ELP1: variants seen among roughly 807,000 people sequenced by gnomAD.
ELP1 encodes elongator complex protein 1.
ELP1 carries 131 observed loss-of-function variants against 183.2 expected under a neutral mutation model. The ratio of observed to expected loss-of-function variants is 0.72; its 90% CI spans 0.62 to 0.83. The LOEUF (loss-of-function observed/expected upper bound fraction) is 0.83, where lower values mean the gene tolerates loss of function less well. Ranked by LOEUF, ELP1 falls within the 40% of genes least tolerant of loss-of-function variation. The pLI is 0.00. For synonymous variants in ELP1, 555 were observed against 569.0 expected (o/e 0.98, Z 0.35); for missense variants, 1,550 against 1,594.9 (o/e 0.97, Z 0.48).
At position 108,902,840 on chromosome 9, in the gene ELP1, T is replaced by G; in HGVS notation, c.1853A>C (p.Glu618Ala). 3.1e-6 allele frequency: 5 copies of G among 1,610,328 alleles called. No homozygotes were observed. The highest frequency in any genetic ancestry group is 4.2e-6 in the Non-Finnish European group (5 of 1,176,572). Residue 618 changes from glutamate (E) to alanine (A), a missense_variant and splice_region_variant, in exon 16 of 37, where the codon GAG (glutamate) becomes GCG (alanine). By Grantham distance (107) the Glu-to-Ala change is moderately radical. Coordinates refer to ENST00000374647, the MANE Select transcript of ELP1 (RefSeq NM_003640.5). ...TQTELAMIGEEECVLGLTDRC... is the reference protein window; with the variant it reads ...TQTELAMIGEAECVLGLTDRC... ...ATTTCCTGCTCCGTGTTCACCTACCTCTTCTCCAATCATGGCCAATTCGGT... is the reference window on the plus strand; with the variant it reads ...ATTTCCTGCTCCGTGTTCACCTACCGCTTCTCCAATCATGGCCAATTCGGT...
At chr9:108,917,968 T>A (rs533014266) in intron 8 of ELP1, among the ~76,000 whole-genome samples, 1 of 152,268 alleles carries the variant, frequency 6.6e-6, no homozygotes, top group African/African-American at 2.4e-5. Flanking sequence ...TTAAAAATAA[T>A]AAGTTATCTA....
At chr9:108,875,584 T>A in intron 35 of ELP1, 1 of 300,740 alleles carries the variant, frequency 3.3e-6, no homozygotes, top group South Asian at 2.8e-5. Context: ...AAAACCACAA[T>A]CATAAAATTG....
chr9:108,878,791 G>T, intron 33 of ELP1, 41 bp from the exon 34 acceptor site: 2 of 1,610,014 alleles, frequency 1.2e-6, no homozygotes, highest in Non-Finnish European at 1.7e-6. Context: ...CTCCTGAGTA[G>T]CTAGGACTAC....
At chr9:108,924,906 C>T (rs1829779853) in intron 5 of ELP1, among the ~76,000 whole-genome samples, 1 of 152,204 alleles carries the variant, frequency 6.6e-6, no homozygotes, top group Non-Finnish European at 1.5e-5. Context: ...CTTACATACG[C>T]AAAGCCTATT....
At chr9:108,870,248 G>A (rs563856785) in intron 36 of ELP1, among the ~76,000 whole-genome samples, 2 of 152,302 alleles carry the variant, frequency 1.3e-5, no homozygotes, top group Non-Finnish European at 2.9e-5. Flanking sequence ...ACAGGTGTGA[G>A]CCACCACACC....
At chr9:108,914,417 G>A (rs1364121662) in intron 10 of ELP1, among the ~76,000 whole-genome samples, 4 of 141,762 alleles carry the variant, frequency 2.8e-5, no homozygotes, top group East Asian at 2.3e-4. Context: ...AAAAAAAGGG[G>A]GGGGGGGTTC....
At position 108,916,301 on chromosome 9, in the gene ELP1, G is replaced by C; in HGVS notation, c.865-4C>G. ...CATTCCAGAGCAAGTCATTTACCTA[G>C]AAGGGAAAAAAGATCTGTCATTGGC... On this transcript the variant is annotated splice_polypyrimidine_tract_variant and splice_region_variant and intron_variant, in intron 9 of 36. Transcript: ENST00000374647. 2 of 1,610,718 alleles carry C rather than the reference G, an allele frequency of 1.2e-6. No individual in the cohort carries two copies. The highest frequency in any genetic ancestry group is 1.7e-6 in the Non-Finnish European group (2 of 1,176,960).
intron 1 of ELP1, 45 bp from the exon 2 acceptor site, chr9:108,931,246 T>C: frequency 1.7e-6 from 2 of 1,210,384 alleles, no homozygotes; most frequent in East Asian, 2.3e-5. Flanking sequence ...TGACCATATT[T>C]ATTTAAATGA....
At chr9:108,899,794 T>C (rs1330778374) in intron 20 of ELP1, 28 bp downstream of exon 20, 7 of 1,569,272 alleles carry the variant, frequency 4.5e-6, no homozygotes, top group Non-Finnish European at 5.3e-6. Flanking sequence ...ACAAGCTAAC[T>C]AGTCGCAAAC....
At chr9:108,901,556 G>A (rs1828809697) in intron 17 of ELP1, 26 bp from the exon 18 acceptor site, 1 of 1,609,432 alleles carries the variant, frequency 6.2e-7, no homozygotes, top group Non-Finnish European at 8.5e-7. Context: ...AGAGAGGCAT[G>A]GGTGAAAGCT....
intron 35 of ELP1, chr9:108,875,692 C>G: frequency 4.9e-6 from 2 of 410,566 alleles, no homozygotes; most frequent in Non-Finnish European, 9.6e-6. Context: ...GCCAGGAGTT[C>G]AAGACCAGCT....
chr9:108,903,666 T>A lies in ELP1; in HGVS notation c.1647A>T (p.Ser549=), dbSNP rs758761513. Residue 549 remains serine, a synonymous_variant, in exon 15 of 37, where the codon TCA becomes TCT. Coordinates refer to ENST00000374647, the MANE Select transcript of ELP1 (RefSeq NM_003640.5). ...TTATGACCCCATCCACCGCTGCAGA[T>A]GAACTGACAAAAAAAAGGAGAAGGG... ...DEEHGQLNVS[S]SAAVDGVIIS... is the part of the protein sequence containing the mutation. The A allele has an allele frequency of 3.7e-6, 6 of 1,611,130 alleles. No individual in the cohort carries two copies. Among genetic ancestry groups the A allele is most frequent in the Non-Finnish European group, 4.2e-6 (5 of 1,177,552 alleles).
intron 13 of ELP1, 60 bp from the exon 14 acceptor site, chr9:108,906,545 T>C: frequency 1.4e-6 from 2 of 1,440,150 alleles, no homozygotes; most frequent in Non-Finnish European, 1.9e-6. Context: ...CACTGAGACG[T>C]TCCTGGATGA....
At position 108,920,688 on chromosome 9, in the gene ELP1, C is replaced by T. The variant is rs1829614709; in HGVS notation, c.553-1339G>A. 1.3e-5 allele frequency among the ~76,000 whole-genome samples: 2 copies of T among 152,106 alleles called. 1 individual carries two copies. Among genetic ancestry groups the T allele is most frequent in the South Asian group, 4.1e-4 (2 of 4,822 alleles). ...TTAAAAAATCAAAGTAAATTATGCT[C>T]ACATGAGTACTTGTATCTGCCTACT... On this transcript the variant is annotated intron_variant, in intron 6 of 36. Transcript: ENST00000374647.
In ELP1 at chr9:108,919,261, G is replaced by C; in HGVS notation, c.641C>G (p.Pro214Arg). ...GCAATATATTTCCATACCTGTTTCT[G>C]GGCAAACAACACTCACAGCAAAAAA... ...GQFFAVSVVC[P>R]ETGARKVRVW... Residue 214 changes from proline (P) to arginine (R), a missense_variant, in exon 7 of 37, where the codon CCA becomes CGA. Transcript: ENST00000374647. 5.6e-6 allele frequency: 9 copies of C among 1,610,564 alleles called. No homozygotes were observed. Among genetic ancestry groups the C allele is most frequent in the Non-Finnish European group, 5.1e-6 (6 of 1,177,160 alleles).
At chr9:108,920,169 T>C (rs990046183) in intron 6 of ELP1, among the ~76,000 whole-genome samples, 16 of 152,216 alleles carry the variant, frequency 1.1e-4, no homozygotes, top group African/African-American at 2.9e-4. Context: ...CAGGGTATTA[T>C]TGAGTCATCT....
chr9:108,874,797 G>C lies in ELP1; in HGVS notation c.3931+98C>G, dbSNP rs139551585. 4 of 845,372 alleles carry C rather than the reference G, an allele frequency of 4.7e-6. No individual in the cohort carries two copies. The East Asian group carries it at 9.9e-5, about 21-fold the overall frequency. The allele number at this position is 845,372 out of a possible 1,614,324, so 52.4% of individuals were successfully genotyped here. ...AGTCAATTTTTTGTAGTGAAAAATT[G>C]TATCCAATCTCTCCTTATACTGCTG... On this transcript the variant is annotated intron_variant, in intron 36 of 36. Transcript: ENST00000374647.
At chr9:108,892,742 T>C (rs1181062837) in intron 27 of ELP1, among the ~76,000 whole-genome samples, 2 of 152,026 alleles carry the variant, frequency 1.3e-5, no homozygotes, top group East Asian at 3.9e-4. Context: ...AGCAGTAAGG[T>C]TGGGCTAGAG....
In ELP1 at chr9:108,901,440, C is replaced by A. The variant is rs747601216; in HGVS notation, c.1999G>T (p.Asp667Tyr). The change falls in exon 18 of 37, where the codon GAT becomes TAT. Residue 667 changes from aspartate to tyrosine, a missense_variant. Coordinates refer to ENST00000374647, the MANE Select transcript of ELP1 (RefSeq NM_003640.5). Reference protein sequence around the residue: ...SHTCQCFCLRDASFKTLQAGL... With the variant: ...SHTCQCFCLRYASFKTLQAGL... The stretch of plus-strand genomic sequence containing the variant: ...GAAAACTTACTTTTAAATGAAGCAT[C>A]CCTCAGGCAAAAACACTGGCAGGTA... 4.3e-6 allele frequency: 7 copies of A among 1,611,482 alleles called. No homozygotes were observed. In the African/African-American group the frequency reaches 9.4e-5, roughly 22 times the overall value.
Sources: gnomAD v4.1 joint callset for allele counts (sites outside exome capture counted in the v4.1 genomes callset) on GRCh38, gnomAD v4.1.1 for gene constraint, MANE v1.5 for transcripts, NCBI Gene and HGNC (gene_info 2026-07-23, HGNC 2026-07-21) for gene names.